The following CARMIL2 variants were observed in gnomAD, a reference collection of about 807,000 sequenced individuals.
CARMIL2 encodes the protein capping protein regulator and myosin 1 linker 2.
In CARMIL2, 96 loss-of-function variants were observed where a neutral mutation model predicts 173.3. That is an observed-to-expected ratio of 0.55 (90% CI 0.47 to 0.66). The LOEUF is 0.66. Among genes scored for constraint, CARMIL2 ranks in the 30% least tolerant of loss-of-function variants. The probability of loss-of-function intolerance (pLI) is 0.00; values close to 1 mark genes in which losing one functional copy is unlikely to be tolerated. For missense variants in CARMIL2, 1,771 were observed against 1,906.7 expected, an observed-to-expected ratio of 0.93 and a Z score of 1.33; for synonymous variants, 830 against 817.1, an observed-to-expected ratio of 1.02 and a Z score of -0.27.
intron 36 of CARMIL2, 60 bp downstream of exon 36, chr16:67,656,941 G>A: frequency 7.4e-7 from 1 of 1,348,590 alleles, no homozygotes; most frequent in Non-Finnish European, 1.0e-6. Context: ...GTGGGCTTCT[G>A]GGGCTCCCTT....
Position 67,648,070 on chromosome 16 carries a change from A to C in CARMIL2, c.1090A>C (p.Ser364Arg). Residue 364 changes from serine to arginine, a missense_variant, in exon 14 of 38, where the codon AGC (serine) becomes CGC (arginine). By Grantham distance (110) the Ser-to-Arg change is moderately radical. Transcript: ENST00000334583. This position sits in a 1 kb window ranked among gnomAD's most constrained non-coding sequence, Gnocchi z 6.1. ...CCTCCAGGGCCTCTATAGCTTCCTGAGCCGTCCTAACGTACTGTCGTTCCT... is the reference window on the plus strand; with the variant it reads ...CCTCCAGGGCCTCTATAGCTTCCTGCGCCGTCCTAACGTACTGTCGTTCCT... ...EDSGGLYSFL[S>R]RPNVLSFLNL... 6.2e-7 allele frequency: 1 copy of C among 1,612,310 alleles called. No homozygotes were observed. Among genetic ancestry groups the C allele is most frequent in the Non-Finnish European group, 8.5e-7 (1 of 1,179,360 alleles).
In CARMIL2 at chr16:67,646,857, C is replaced by T; in HGVS notation, c.538-43C>T. On this transcript the variant is annotated intron_variant, in intron 7 of 37. Transcript: ENST00000334583. This position sits in a 1 kb window ranked among gnomAD's most constrained non-coding sequence, Gnocchi z 4.6. ...ATGTGTGCTGAGCCCCTCCCTGCCC[C>T]TTGTGGCCCCAGGCGAACTGTAAGC... is the stretch of plus-strand genomic sequence containing the variant. 2 of 1,613,366 alleles carry T rather than the reference C, an allele frequency of 1.2e-6. No homozygotes were observed. The highest frequency in any genetic ancestry group is 2.2e-5 in the South Asian group (2 of 91,078).
chr16:67,650,483 A>T, intron 22 of CARMIL2: 2 of 369,456 alleles, frequency 5.4e-6, no homozygotes, highest in Non-Finnish European at 5.0e-6. Context: ...GTGTGCCCAA[A>T]CCCAGCTGCT....
rs751783852 is a variant in CARMIL2, at chr16:67,647,657, C to T, written c.872-23C>T. On this transcript the variant is annotated intron_variant, in intron 11 of 37. Coordinates refer to ENST00000334583, the MANE Select transcript of CARMIL2 (RefSeq NM_001013838.3). Reference sequence around the variant, plus strand: ...GGGCAGCAGGAGGAGGTGAGACCCACGTGGCTGTTCCCACCCCCCAAGGCA... The same window carrying T: ...GGGCAGCAGGAGGAGGTGAGACCCATGTGGCTGTTCCCACCCCCCAAGGCA... 1.5e-5 allele frequency: 24 copies of T among 1,599,206 alleles called. No individual in the cohort carries two copies. The East Asian group carries it at 3.4e-4, about 23-fold the overall frequency.
In CARMIL2 at chr16:67,654,093, G is replaced by GGT. The variant is rs2052785390; in HGVS notation, c.3121-55_3121-54insTG. 3.7e-6 allele frequency: 4 copies of GGT among 1,068,998 alleles called. No individual in the cohort carries two copies. In the Admixed American group the frequency reaches 9.8e-5, roughly 26 times the overall value. The allele number at this position is 1,068,998 out of a possible 1,614,324, so 66.2% of individuals were successfully genotyped here. Reference sequence around the variant, plus strand: ...CAGGCTGCCGGCCGGGGGGGGGGGGGGGTAGAAGCCAGAGTTGCACTCAAC... The same window carrying GGT: ...CAGGCTGCCGGCCGGGGGGGGGGGGGGTGGTAGAAGCCAGAGTTGCACTCAAC... On this transcript the variant is annotated intron_variant, in intron 29 of 37. Transcript: ENST00000334583.
chr16:67,645,820 A>T (rs2052583403), intron 3 of CARMIL2, 43 bp downstream of exon 3: 1 of 1,603,814 alleles, frequency 6.2e-7, no homozygotes, highest in Middle Eastern at 1.7e-4. Flanking sequence ...GCCAGCAGCT[A>T]CCTTGGCAGG....
chr16:67,654,671 G>A lies in CARMIL2; in HGVS notation c.3561G>A (p.Thr1187=). 4 of 1,587,176 alleles carry A rather than the reference G, an allele frequency of 2.5e-6. No individual in the cohort carries two copies. The South Asian group carries it at 4.6e-5, about 18-fold the overall frequency. The change falls in exon 31 of 38, where the codon ACG becomes ACA. Residue 1187 remains threonine, a synonymous_variant. Transcript: ENST00000334583. ...TGCTGCCTGCCGAGGAGGAGGCAACGCTGGGTGCCAGACCCGACAAGGTGA... is the reference window on the plus strand; with the variant it reads ...TGCTGCCTGCCGAGGAGGAGGCAACACTGGGTGCCAGACCCGACAAGGTGA... ...MILLPAEEEA[T]LGARPDKRRP...
rs1234479485 is a variant in CARMIL2 at position 67,651,980 on chromosome 16, C to A, written c.2648C>A (p.Ala883Glu). ...LAESIVAQAL[A>E]GLSAARDQLV... The stretch of plus-strand genomic sequence containing the variant: ...GAGAGCATTGTGGCTCAGGCTTTGG[C>A]AGGCCTGAGTGCAGCCCGGGATCAG... Residue 883 changes from alanine to glutamate, a missense_variant, in exon 26 of 38, where the codon GCA (alanine) becomes GAA (glutamate). By Grantham distance (107) the Ala-to-Glu change is moderately radical. Transcript: ENST00000334583. This position sits in a 1 kb window ranked among gnomAD's most constrained non-coding sequence, Gnocchi z 4.2. The A allele has an allele frequency of 6.2e-7, 1 of 1,613,570 alleles. No individual in the cohort carries two copies. Among genetic ancestry groups the A allele is most frequent in the Admixed American group, 1.7e-5 (1 of 60,026 alleles).
rs1206471318 is a variant in CARMIL2 at position 67,647,837 on chromosome 16, CA to C, written c.959-8del. 1 of 1,604,964 alleles carries C rather than the reference CA, an allele frequency of 6.2e-7. No homozygotes were observed. The highest frequency in any genetic ancestry group is 1.3e-5 in the African/African-American group (1 of 74,718). On this transcript the variant is annotated splice_polypyrimidine_tract_variant and splice_region_variant and intron_variant, in intron 12 of 37. Transcript: ENST00000334583. ...GTCCAACTGCTGAGTGACCCCGACC[CA>C]CCACCAGGAATGAGGGCTCTGGGCC... is the stretch of plus-strand genomic sequence containing the variant.
In CARMIL2 at chr16:67,648,501, A is replaced by G. The variant is rs1389539364; in HGVS notation, c.1438A>G (p.Arg480Gly). 1 of 1,446,934 alleles carries G rather than the reference A, an allele frequency of 6.9e-7. No individual in the cohort carries two copies. Among genetic ancestry groups the G allele is most frequent in the East Asian group, 2.5e-5 (1 of 39,216 alleles). 89.6% of individuals were successfully genotyped at this position (1,446,934 alleles called of 1,614,324 possible). A position where few individuals can be genotyped will look rare whatever the true frequency, so the allele number is the denominator to read the frequency against. Residue 480 changes from arginine (R) to glycine (G), a missense_variant and splice_region_variant, in exon 15 of 38, where the codon AGA (arginine) becomes GGA (glycine). Arg to Gly is a moderately radical substitution (Grantham distance 125). Around this residue, in one of 3 missense-constraint regions of CARMIL2, gnomAD observed 944 missense variants for 975.6 expected, o/e 0.97. Coordinates refer to ENST00000334583, the MANE Select transcript of CARMIL2 (RefSeq NM_001013838.3). The surrounding 1 kb of genome is among the most constrained non-coding windows in gnomAD (Gnocchi z 6.1). ...CTGCAAGCTGCCGCCCGACGCGCTC[A>G]GGTCAGTGTCGGACCCCGGCCACGC... is the stretch of plus-strand genomic sequence containing the variant. ...AGCKLPPDAL[R>G]ALLDGLALNT...
Position 67,656,449 on chromosome 16 carries a change from G to A in CARMIL2, c.3840G>A (p.Gly1280=), listed in dbSNP as rs925055814. ...SADPSCRPGP[G]SQGPESATWK... ...ACCCTTCCTGCAGACCTGGCCCAGG[G>A]AGCCAGGGGCCTGAGTCTGCCACCT... The change falls in exon 35 of 38, where the codon GGG becomes GGA. Residue 1280 remains glycine (G), a synonymous_variant. Transcript: ENST00000334583. 6.2e-6 allele frequency: 10 copies of A among 1,610,392 alleles called. No homozygotes were observed. Among genetic ancestry groups the A allele is most frequent in the South Asian group, 1.1e-5 (1 of 90,790 alleles).
Position 67,649,854 on chromosome 16 carries a change from C to T in CARMIL2, c.1968C>T (p.Asp656=), listed in dbSNP as rs748909926. 1.1e-5 allele frequency: 18 copies of T among 1,612,698 alleles called. No individual in the cohort carries two copies. Among genetic ancestry groups the T allele is most frequent in the South Asian group, 1.1e-4 (10 of 91,080 alleles). Reference sequence around the variant, plus strand: ...ACACATCTGCTTTGGGTCTGCTGGACGTGGCGCAGGCGCTGGAGCAGAACC... The same window carrying T: ...ACACATCTGCTTTGGGTCTGCTGGATGTGGCGCAGGCGCTGGAGCAGAACC... The part of the protein sequence containing the change: ...RNHTSALGLL[D]VAQALEQNHS... Residue 656 remains aspartate (D), a synonymous_variant, in exon 21 of 38, where the codon GAC becomes GAT. Transcript: ENST00000334583. The surrounding 1 kb of genome is among the most constrained non-coding windows in gnomAD (Gnocchi z 6.7).
In CARMIL2 at chr16:67,652,537, C is replaced by G. The variant is rs752913838; in HGVS notation, c.2883C>G (p.His961Gln). ...GTCTTCACCTGGTCCCCTTCATTCA[C>G]AGTAAGTCAGGGCCTTGGGGGAGGG... ...SHGLHLVPFI[H>Q]SAAEEAEPEP... Residue 961 changes from histidine (H) to glutamine (Q), a missense_variant and splice_region_variant, in exon 28 of 38, where the codon CAC becomes CAG. By Grantham distance (24) the His-to-Gln change is conservative (BLOSUM62 0). Coordinates refer to ENST00000334583, the MANE Select transcript of CARMIL2 (RefSeq NM_001013838.3). The surrounding 1 kb of genome is among the most constrained non-coding windows in gnomAD (Gnocchi z 4.7). The G allele has an allele frequency of 6.8e-6, 11 of 1,613,276 alleles. No homozygotes were observed. The highest frequency in any genetic ancestry group is 1.7e-6 in the Non-Finnish European group (2 of 1,179,646).
At chr16:67,655,657 GTC>G (rs748510968) in intron 32 of CARMIL2, among the ~76,000 whole-genome samples, 7 of 152,030 alleles carry the variant, frequency 4.6e-5, no homozygotes, top group Non-Finnish European at 7.4e-5. Context: ...CTCGCTTCCA[GTC>G]TCTAATTGTG....
At position 67,651,677 on chromosome 16, in the gene CARMIL2, T is replaced by G. The variant is rs575360872; in HGVS notation, c.2428-8T>G. On this transcript the variant is annotated splice_region_variant and splice_polypyrimidine_tract_variant and intron_variant, in intron 24 of 37. Coordinates refer to ENST00000334583, the MANE Select transcript of CARMIL2 (RefSeq NM_001013838.3). This position sits in a 1 kb window ranked among gnomAD's most constrained non-coding sequence, Gnocchi z 4.2. ...ATCCTCACCATGCTCTGACTGACCTTTGTCTAGGACTTCACTCAGGCCACA... is the reference window on the plus strand; with the variant it reads ...ATCCTCACCATGCTCTGACTGACCTGTGTCTAGGACTTCACTCAGGCCACA... 1.7e-5 allele frequency: 28 copies of G among 1,605,002 alleles called. No individual in the cohort carries two copies. The African/African-American group carries it at 3.7e-4, about 21-fold the overall frequency.
chr16:67,647,257 G>A (rs765136914), intron 9 of CARMIL2, 42 bp from the exon 10 acceptor site: 4 of 1,611,208 alleles, frequency 2.5e-6, no homozygotes, highest in South Asian at 1.1e-5. Flanking sequence ...GCCCGCTGAG[G>A]GCCAGGGTGC....
Position 67,657,289 on chromosome 16 carries a change from C to T in CARMIL2, c.4168C>T (p.Leu1390Phe), listed in dbSNP as rs755132901. ...RSPVLKRRPK[L>F]EAPPSPSLGS... The stretch of plus-strand genomic sequence containing the variant: ...CCCCGTCCTCAAACGCAGGCCAAAA[C>T]TCGAGGCACCTCCATCCCCAAGCCT... The change falls in exon 37 of 38, where the codon CTC (leucine) becomes TTC (phenylalanine). Residue 1390 changes from leucine (L) to phenylalanine (F), a missense_variant. By Grantham distance (22) the Leu-to-Phe change is conservative (BLOSUM62 0). Transcript: ENST00000334583. The surrounding 1 kb of genome is among the most constrained non-coding windows in gnomAD (Gnocchi z 4.5). 1 of 1,613,876 alleles carries T rather than the reference C, an allele frequency of 6.2e-7. No homozygotes were observed. Among genetic ancestry groups the T allele is most frequent in the Admixed American group, 1.7e-5 (1 of 60,008 alleles).
rs762273550 is a variant in CARMIL2, at chr16:67,646,833, T to A, written c.537+49T>A. The A allele has an allele frequency of 3.1e-6, 5 of 1,611,470 alleles. No homozygotes were observed. The East Asian group carries it at 1.1e-4, about 36-fold the overall frequency. ...GGCTCTGGAGACATCTGGTCCCCCATGTGTGCTGAGCCCCTCCCTGCCCCT... is the reference window on the plus strand; with the variant it reads ...GGCTCTGGAGACATCTGGTCCCCCAAGTGTGCTGAGCCCCTCCCTGCCCCT... On this transcript the variant is annotated intron_variant, in intron 7 of 37. Transcript: ENST00000334583. The surrounding 1 kb of genome is among the most constrained non-coding windows in gnomAD (Gnocchi z 4.6).
chr16:67,652,331 A>C lies in CARMIL2; in HGVS notation c.2809A>C (p.Lys937Gln). Residue 937 changes from lysine (K) to glutamine (Q), a missense_variant, in exon 27 of 38, where the codon AAG becomes CAG. Transcript: ENST00000334583. The surrounding 1 kb of genome is among the most constrained non-coding windows in gnomAD (Gnocchi z 4.7). ...LFFPEEKEEE[K>Q]EKDDSPPQKW... ...CTTCCCCGAGGAGAAGGAAGAGGAGAAGGAGAAGGTAAGTGGTTTTAGAAC... is the reference window on the plus strand; with the variant it reads ...CTTCCCCGAGGAGAAGGAAGAGGAGCAGGAGAAGGTAAGTGGTTTTAGAAC... The C allele has an allele frequency of 6.3e-7, 1 of 1,581,136 alleles. No individual in the cohort carries two copies. The highest frequency in any genetic ancestry group is 1.2e-5 in the South Asian group (1 of 83,660).
Sources: allele counts gnomAD v4.1 joint callset (sites outside exome capture counted in the v4.1 genomes callset), GRCh38; gene constraint gnomAD v4.1.1; regional missense constraint gnomAD v4.1.1; non-coding constraint Gnocchi (gnomAD v3.1); transcripts MANE v1.5; gene names NCBI Gene and HGNC (gene_info 2026-07-23, HGNC 2026-07-21).